Variants in ADAM20 observed in about 807,000 individuals in gnomAD.
The protein encoded by ADAM20 is disintegrin and metalloproteinase domain-containing protein 20.
For missense variants in ADAM20, 871 were observed against 883.2 expected (o/e 0.99, Z 0.18); for synonymous variants, 305 against 310.2 (o/e 0.98, Z 0.18).
At chr14:70,571,153 A>G in the ADAM20 span, among the ~76,000 whole-genome samples, 1 of 152,212 alleles carries the variant, frequency 6.6e-6, no homozygotes, top group South Asian at 2.1e-4. Flanking sequence ...ATCATACTGA[A>G]TGGGCAAATT....
rs1168838891 is a variant in ADAM20, at chr14:70,523,467, T to C, written c.1291A>G (p.Lys431Glu). ...CDCGTIRQCA[K>E]DPCCLLNCTL... ...CAGTTTAACAGACAACAGGGATCTT[T>C]TGCACACTGCCGTATGGTTCCACAG... Residue 431 changes from lysine (K) to glutamate (E), a missense_variant, in exon 2 of 2, where the codon AAA (lysine) becomes GAA (glutamate). Transcript: ENST00000256389. 8 of 1,614,054 alleles carry C rather than the reference T, an allele frequency of 5.0e-6. No homozygotes were observed. The highest frequency in any genetic ancestry group is 1.7e-4 in the Middle Eastern group (1 of 6,058).
chr14:70,558,666 G>T, the ADAM20 span, among the ~76,000 whole-genome samples: 45 of 152,132 alleles, frequency 3.0e-4, 1 homozygote, highest in African/African-American at 1.0e-3. Flanking sequence ...TATTGGAGGG[G>T]AGACATGAAA....
At chr14:70,566,925 T>C in the ADAM20 span, among the ~76,000 whole-genome samples, 1 of 151,942 alleles carries the variant, frequency 6.6e-6, no homozygotes, top group African/African-American at 2.4e-5. Context: ...GAGGTTGCAG[T>C]GAGCCAAGAT....
the ADAM20 span, among the ~76,000 whole-genome samples, chr14:70,575,730 T>C: frequency 2.0e-5 from 3 of 152,186 alleles, no homozygotes; most frequent in Non-Finnish European, 4.4e-5. Context: ...ATCTGAGATA[T>C]ACATAAGTAA....
In ADAM20 at chr14:70,522,545, A is replaced by C; in HGVS notation, c.*32T>G. The C allele has an allele frequency of 6.7e-7, 1 of 1,491,976 alleles. No homozygotes were observed. Among genetic ancestry groups the C allele is most frequent in the South Asian group, 1.4e-5 (1 of 73,058 alleles). The allele number at this position is 1,491,976 out of a possible 1,614,324, so 92.4% of individuals were successfully genotyped here. ...AAATTGGATATTAAAAATGAAGTAT[A>C]AAGTTTAGTCTCCTTCTTTTTCCCA... is the stretch of plus-strand genomic sequence containing the variant. On this transcript the variant is annotated 3_prime_UTR_variant, in exon 2 of 2. Transcript: ENST00000256389.
chr14:70,536,509 G>A (rs1883840028), upstream of ADAM20, among the ~76,000 whole-genome samples: 1 of 116,950 alleles, frequency 8.6e-6, no homozygotes, highest in Non-Finnish European at 1.9e-5. Flanking sequence ...ATTGCACAGT[G>A]TATGTCCCTT....
At chr14:70,550,588 C>G in the ADAM20 span, among the ~76,000 whole-genome samples, 528 of 76,864 alleles carry the variant, frequency 6.9e-3, 4 homozygotes, top group Non-Finnish European at 0.011. Flanking sequence ...CACATACACT[C>G]TCCCAAGACT....
the ADAM20 span, among the ~76,000 whole-genome samples, chr14:70,564,736 ATT>A: frequency 0.083 from 7,579 of 91,720 alleles, 438 homozygotes; most frequent in African/African-American, 0.16. Flanking sequence ...GATAGACGCA[ATT>A]TTTTTTTTTT....
At chr14:70,570,427 T>G in the ADAM20 span, among the ~76,000 whole-genome samples, 2 of 151,572 alleles carry the variant, frequency 1.3e-5, no homozygotes, top group Non-Finnish European at 2.9e-5. Context: ...CAATAAAAAA[T>G]GATAAAGGTG....
chr14:70,558,556 T>C, the ADAM20 span, among the ~76,000 whole-genome samples: 7 of 152,098 alleles, frequency 4.6e-5, no homozygotes, highest in African/African-American at 1.4e-4. Flanking sequence ...TCAGAGTTGC[T>C]CATTGTCCAG....
chr14:70,577,060 C>T, the ADAM20 span, among the ~76,000 whole-genome samples: 1 of 152,132 alleles, frequency 6.6e-6, no homozygotes, highest in Admixed American at 6.5e-5. Flanking sequence ...GTCTTAGAAG[C>T]CCTTCCAGGA....
Position 70,523,232 on chromosome 14 carries a change from T to C in ADAM20, c.1526A>G (p.Asn509Ser). ...VNAFCYEKTC[N>S]NHDIQCKEIF... ...CTCTTTACATTGTATATCATGGTTATTACACGTCTTTTCATAGCAGAAGGC... is the reference window on the plus strand; with the variant it reads ...CTCTTTACATTGTATATCATGGTTACTACACGTCTTTTCATAGCAGAAGGC... Residue 509 changes from asparagine to serine, a missense_variant, in exon 2 of 2, where the codon AAT becomes AGT. Asn to Ser is a conservative substitution (Grantham distance 46, BLOSUM62 1). Transcript: ENST00000256389. 6.2e-7 allele frequency: 1 copy of C among 1,614,038 alleles called. No homozygotes were observed. The highest frequency in any genetic ancestry group is 2.2e-5 in the East Asian group (1 of 44,876).
chr14:70,539,968 GCCGAT>G (rs1203155589), upstream of ADAM20, among the ~76,000 whole-genome samples: 2 of 152,276 alleles, frequency 1.3e-5, no homozygotes, highest in East Asian at 3.9e-4. Context: ...TTCACAACCT[GCCGAT>G]CCGCCTGGGA....
the ADAM20 span, among the ~76,000 whole-genome samples, chr14:70,577,267 T>A: frequency 6.6e-6 from 1 of 152,078 alleles, no homozygotes; most frequent in Non-Finnish European, 1.5e-5. Flanking sequence ...CATAAAAAAA[T>A]AATATCATGA....
chr14:70,569,566 G>A, the ADAM20 span, among the ~76,000 whole-genome samples: 2 of 151,686 alleles, frequency 1.3e-5, no homozygotes, highest in South Asian at 4.2e-4. Context: ...GTAAAGAAAT[G>A]GAAAAACATC....
chr14:70,525,089 A>T lies in ADAM20; in HGVS notation c.-176-156T>A, dbSNP rs17176236. Among the ~76,000 whole-genome samples, 1,316 of 152,284 alleles carry T rather than the reference A, an allele frequency of 8.6e-3. 9 individuals are homozygous for T. Among genetic ancestry groups the T allele is most frequent in the South Asian group, 0.031 (151 of 4,826 alleles). ...CCAAGAAGATTTCCAGATAGGGGAG[A>T]TTGCACATAGGTGAGTTATTACCAA... On this transcript the variant is annotated intron_variant, in intron 1 of 1. Coordinates refer to ENST00000256389, the MANE Select transcript of ADAM20 (RefSeq NM_003814.5).
upstream of ADAM20, among the ~76,000 whole-genome samples, chr14:70,536,647 A>G (rs1883842650): frequency 6.6e-6 from 1 of 152,068 alleles, no homozygotes; most frequent in South Asian, 2.1e-4. Context: ...CCTAAATCCA[A>G]AGTGCATCAG....
the ADAM20 span, among the ~76,000 whole-genome samples, chr14:70,559,340 G>A: frequency 3.4e-5 from 5 of 147,754 alleles, no homozygotes; most frequent in African/African-American, 5.0e-5. Context: ...CCACACAACC[G>A]ATCTGTCAGC....
chr14:70,544,465 G>A, the ADAM20 span, among the ~76,000 whole-genome samples: 13 of 152,204 alleles, frequency 8.5e-5, no homozygotes, highest in African/African-American at 2.9e-4. Context: ...CTTGTAGGAT[G>A]CAGCTAAAGC....
Sources: gnomAD v4.1 joint callset for allele counts (sites outside exome capture counted in the v4.1 genomes callset) on GRCh38, gnomAD v4.1.1 for gene constraint, MANE v1.5 for transcripts, NCBI Gene and HGNC (gene_info 2026-07-23, HGNC 2026-07-21) for gene names.